Variants in SEMA6D observed in about 807,000 individuals in gnomAD.
SEMA6D encodes semaphorin 6D, also known as semaphorin-6D.
SEMA6D carries 35 observed loss-of-function variants against 106.6 expected under a neutral mutation model. The observed-to-expected ratio is 0.33, with a 90% CI of 0.25 to 0.44. The LOEUF is 0.44. SEMA6D is among the 20% of genes least tolerant of loss of function. The probability of loss-of-function intolerance (pLI) is 1.00; values close to 1 mark genes in which losing one functional copy is unlikely to be tolerated. For missense variants in SEMA6D, 1,185 were observed against 1,345.9 expected (o/e 0.88, Z 1.87); for synonymous variants, 499 against 487.7 (o/e 1.02, Z -0.31).
At chr15:47,366,483 G>A (rs1294589962) in intron 1 of SEMA6D, among the ~76,000 whole-genome samples, 2 of 152,152 alleles carry the variant, frequency 1.3e-5, no homozygotes, top group African/African-American at 4.8e-5. Flanking sequence ...CTGTGTCAAA[G>A]GGAAATAAAT....
chr15:47,294,270 G>T (rs1402667898), intron 1 of SEMA6D, among the ~76,000 whole-genome samples: 1 of 150,026 alleles, frequency 6.7e-6, no homozygotes, highest in Non-Finnish European at 1.5e-5. Context: ...TTTCTCTGTC[G>T]CCCAGTGCAG....
At chr15:47,316,456 G>A (rs2036681657) in intron 1 of SEMA6D, among the ~76,000 whole-genome samples, 1 of 152,018 alleles carries the variant, frequency 6.6e-6, no homozygotes, top group African/African-American at 2.4e-5. Flanking sequence ...AGTAGTGAGA[G>A]GGGACATCTT....
At chr15:47,404,900 A>C (rs2040510437) in intron 1 of SEMA6D, among the ~76,000 whole-genome samples, 1 of 152,164 alleles carries the variant, frequency 6.6e-6, no homozygotes, top group Non-Finnish European at 1.5e-5. Flanking sequence ...TACATGCTAA[A>C]ATATGTAGCA....
intron 1 of SEMA6D, among the ~76,000 whole-genome samples, chr15:47,754,436 AT>A (rs2081604378): frequency 6.6e-6 from 1 of 152,096 alleles, no homozygotes. Context: ...TAGGCTGGAA[AT>A]TTATTTTCTT....
chr15:47,625,262 A>C (rs1483913582), intron 4 of SEMA6D, among the ~76,000 whole-genome samples: 2 of 152,144 alleles, frequency 1.3e-5, no homozygotes, highest in Non-Finnish European at 2.9e-5. Context: ...TGCTATGATA[A>C]TTGTTAAGGG....
chr15:47,348,712 CACACACCACACACACAGAGAGAGAGAGAG>C (rs1567016547), intron 1 of SEMA6D, among the ~76,000 whole-genome samples: 55 of 86,526 alleles, frequency 6.4e-4, no homozygotes, highest in East Asian at 9.7e-4. Context: ...CACACACACA[CACACACCACACACACAGAGAGAGAGAGAG>C]AGAGAGAGAG....
chr15:47,277,767 C>T (rs982371987), intron 1 of SEMA6D, among the ~76,000 whole-genome samples: 8 of 151,766 alleles, frequency 5.3e-5, no homozygotes, highest in African/African-American at 1.9e-4. Flanking sequence ...CCCCCCTCCC[C>T]ACACCCCACA....
chr15:47,471,201 A>C (rs1042100574), intron 3 of SEMA6D, among the ~76,000 whole-genome samples: 3 of 152,138 alleles, frequency 2.0e-5, no homozygotes, highest in African/African-American at 7.2e-5. Context: ...TGGGTGACTG[A>C]GTGGACTTCA....
intron 2 of SEMA6D, among the ~76,000 whole-genome samples, chr15:47,433,773 T>G (rs2041614536): frequency 1.3e-5 from 2 of 152,104 alleles, no homozygotes; most frequent in Admixed American, 1.3e-4. Context: ...CCTGGATAAC[T>G]CTTAGTCTCT....
intron 3 of SEMA6D, among the ~76,000 whole-genome samples, chr15:47,583,154 T>C (rs1321267198): frequency 1.3e-5 from 2 of 152,146 alleles, no homozygotes; most frequent in Non-Finnish European, 1.5e-5. Context: ...AGGATGGCCC[T>C]AAGTCCACTT....
At chr15:47,629,183 G>A (rs2077252895) in intron 4 of SEMA6D, among the ~76,000 whole-genome samples, 1 of 151,928 alleles carries the variant, frequency 6.6e-6, no homozygotes, top group African/African-American at 2.4e-5. Context: ...CCCAATATAT[G>A]GTAGATCCTA....
intron 2 of SEMA6D, among the ~76,000 whole-genome samples, chr15:47,458,906 A>C (rs2042420235): frequency 6.6e-6 from 1 of 152,082 alleles, no homozygotes; most frequent in African/African-American, 2.4e-5. Context: ...AAAGAATATC[A>C]GTATAAATGT....
intron 4 of SEMA6D, among the ~76,000 whole-genome samples, chr15:47,659,902 A>T (rs2077882871): frequency 6.6e-6 from 1 of 152,064 alleles, no homozygotes; most frequent in African/African-American, 2.4e-5. Context: ...AAAACAGATA[A>T]CCTCATTTTA....
At chr15:47,494,028 T>C (rs965834963) in intron 3 of SEMA6D, among the ~76,000 whole-genome samples, 27 of 152,288 alleles carry the variant, frequency 1.8e-4, no homozygotes, top group African/African-American at 6.5e-4. Flanking sequence ...TGCATATGTG[T>C]CACATTTTCT....
In SEMA6D at chr15:47,535,677, C is replaced by CA. The variant is rs199988144; in HGVS notation, c.-87+65142dup. Among the ~76,000 whole-genome samples the CA allele has an allele frequency of 8.7e-3, 1,245 of 142,694 alleles. 9 individuals carry two copies. The highest frequency in any genetic ancestry group is 0.027 in the African/African-American group (1,027 of 38,730). 93.6% of individuals were successfully genotyped at this position (142,694 alleles called of 152,430 possible). A position where few individuals can be genotyped will look rare whatever the true frequency, so the allele number is the denominator to read the frequency against. On this transcript the variant is annotated intron_variant, in intron 3 of 19. Coordinates refer to the SEMA6D transcript ENST00000558014. ...TACTAGATAGAAAGTGACAAAAATA[C>CA]AAAAAAAAAATAAATTAAGACATAG... is the stretch of plus-strand genomic sequence containing the variant.
intron 3 of SEMA6D, among the ~76,000 whole-genome samples, chr15:47,483,046 A>G (rs1420183119): frequency 6.6e-6 from 1 of 152,188 alleles, no homozygotes; most frequent in African/African-American, 2.4e-5. Flanking sequence ...GATATAACAA[A>G]TAATCAATAG....
intron 3 of SEMA6D, among the ~76,000 whole-genome samples, chr15:47,584,946 A>T (rs1435735): frequency 0.46 from 69,197 of 152,062 alleles, 16,169 homozygotes; most frequent in East Asian, 0.67. Context: ...TACTCAGAAA[A>T]GGTGGGGATA....
chr15:47,385,747 T>C (rs12903982), intron 1 of SEMA6D, among the ~76,000 whole-genome samples: 4,436 of 152,292 alleles, frequency 0.029, 106 homozygotes, highest in Non-Finnish European at 0.044. Flanking sequence ...ATGATAACTG[T>C]AACTGAATCC....
intron 3 of SEMA6D, among the ~76,000 whole-genome samples, chr15:47,524,067 A>G (rs1393248173): frequency 1.3e-5 from 2 of 152,190 alleles, no homozygotes; most frequent in Non-Finnish European, 2.9e-5. Context: ...ATAGATATAA[A>G]TTATGTGCCC....
Sources: gnomAD v4.1 joint callset for allele counts (sites outside exome capture counted in the v4.1 genomes callset) on GRCh38, gnomAD v4.1.1 for gene constraint, MANE v1.5 for transcripts, NCBI Gene and HGNC (gene_info 2026-07-23, HGNC 2026-07-21) for gene names.